The following SYNGR1 variants were observed in gnomAD, a reference collection of about 807,000 sequenced individuals.
SYNGR1 encodes synaptogyrin 1.
A neutral mutation model predicts 26.1 loss-of-function variants in SYNGR1; 14 were observed. The observed-to-expected ratio is 0.54, with a 90% confidence interval of 0.35 to 0.84. The LOEUF is 0.84. SYNGR1 is among the 40% of genes least tolerant of loss of function. SYNGR1 has a pLI of 0.01. For synonymous variants in SYNGR1, 141 were observed against 150.1 expected, an observed-to-expected ratio of 0.94 and a Z score of 0.44; for missense variants, 319 against 332.9, an observed-to-expected ratio of 0.96 and a Z score of 0.33.
intron 1 of SYNGR1, among the ~76,000 whole-genome samples, chr22:39,361,461 G>A (rs1398872075): frequency 6.8e-6 from 1 of 147,648 alleles, no homozygotes; most frequent in Non-Finnish European, 1.5e-5. Context: ...GGGGTCAACC[G>A]ATTCTCCTGC....
rs1257278642 is a variant in SYNGR1 at position 39,375,810 on chromosome 22, C to T, written c.338-242C>T. ...GTGGCTCTCCTCTGACTGGCCCTGA[C>T]CCTGCCCTGTCTGTGGCCTCCTCCC... On this transcript the variant is annotated intron_variant, in intron 2 of 3. Transcript: ENST00000328933. 75 of 639,368 alleles carry T rather than the reference C, an allele frequency of 1.2e-4. No individual in the cohort carries two copies. The East Asian group carries it at 2.0e-3, about 17-fold the overall frequency. The allele number at this position is 639,368 out of a possible 1,614,324, so 39.6% of individuals were successfully genotyped here.
chr22:39,370,794 T>A (rs1470173880), intron 1 of SYNGR1, among the ~76,000 whole-genome samples: 1 of 152,058 alleles, frequency 6.6e-6, no homozygotes, highest in African/African-American at 2.4e-5. Context: ...ATTTTTTGTA[T>A]TTTTAGTATA....
At chr22:39,353,420 C>T (rs1259268291) in intron 1 of SYNGR1, among the ~76,000 whole-genome samples, 1 of 152,188 alleles carries the variant, frequency 6.6e-6, no homozygotes, top group Non-Finnish European at 1.5e-5. Context: ...CTCAAGTGAT[C>T]CTCCCACCTC....
chr22:39,377,006 C>T (rs1243781268), intron 3 of SYNGR1: 4 of 1,550,830 alleles, frequency 2.6e-6, no homozygotes, highest in East Asian at 4.9e-5. Flanking sequence ...CCTAATCACC[C>T]TTCTGCAGAG....
At chr22:39,359,389 A>C (rs1313330643) in intron 1 of SYNGR1, among the ~76,000 whole-genome samples, 1 of 151,944 alleles carries the variant, frequency 6.6e-6, no homozygotes, top group Non-Finnish European at 1.5e-5. Flanking sequence ...TGGGAGGCCA[A>C]GGCAGGCGGA....
intron 1 of SYNGR1, among the ~76,000 whole-genome samples, chr22:39,362,375 C>T (rs1228429610): frequency 1.3e-5 from 2 of 151,326 alleles, no homozygotes; most frequent in African/African-American, 4.9e-5. Flanking sequence ...ACGCCTAATC[C>T]CCAGTGGGTC....
At chr22:39,351,155 C>T (rs776035666) in intron 1 of SYNGR1, among the ~76,000 whole-genome samples, 1 of 152,150 alleles carries the variant, frequency 6.6e-6, no homozygotes, top group African/African-American at 2.4e-5. Context: ...AACTCCCACT[C>T]GAGGTTCTGG....
rs1925563408 is a variant in SYNGR1 at position 39,383,471 on chromosome 22, G to C, written c.*1557G>C. 6.6e-6 allele frequency: 1 copy of C among 152,446 alleles called. No individual in the cohort carries two copies. The highest frequency in any genetic ancestry group is 2.4e-5 in the African/African-American group (1 of 41,450). The allele number at this position is 152,446 out of a possible 1,614,324, so 9.4% of individuals were successfully genotyped here. The stretch of plus-strand genomic sequence containing the variant: ...GCAGGTCGATTCTTGCACAAGGTGG[G>C]CTCTTCACTGAGCCATAAGGGACAG... On this transcript the variant is annotated 3_prime_UTR_variant, in exon 4 of 4. Transcript: ENST00000328933.
In SYNGR1 at chr22:39,381,795, C is replaced by A; in HGVS notation, c.583C>A (p.Pro195Thr). The A allele has an allele frequency of 6.3e-7, 1 of 1,590,066 alleles. No individual in the cohort carries two copies. The highest frequency in any genetic ancestry group is 1.1e-5 in the South Asian group (1 of 89,820). ...GGACCCCAGCCAGGACTCCAGCATG[C>A]CTTACGCGCCCTACGTGGAGCCCAC... ...YMDPSQDSSMPYAPYVEPTGP... is the reference protein window; with the variant it reads ...YMDPSQDSSMTYAPYVEPTGP... The change falls in exon 4 of 4, where the codon CCT (proline) becomes ACT (threonine). Residue 195 changes from proline (P) to threonine (T), a missense_variant. Physicochemically the swap from Pro to Thr is conservative, Grantham distance 38 (BLOSUM62 -1). Transcript: ENST00000328933.
intron 1 of SYNGR1, among the ~76,000 whole-genome samples, chr22:39,363,778 G>A (rs1355315974): frequency 3.3e-5 from 5 of 152,130 alleles, no homozygotes; most frequent in Admixed American, 3.3e-4. Flanking sequence ...CCAGCTGCCT[G>A]GCTGCCTGCA....
intron 3 of SYNGR1, among the ~76,000 whole-genome samples, chr22:39,381,061 C>T (rs1422483489): frequency 1.3e-5 from 2 of 152,182 alleles, no homozygotes; most frequent in Non-Finnish European, 1.5e-5. Flanking sequence ...GCAATCCTTC[C>T]ACCTTGGCCT....
rs1206065250 is a variant in SYNGR1, at chr22:39,383,580, G to A, written c.*1666G>A. On this transcript the variant is annotated 3_prime_UTR_variant, in exon 4 of 4. Transcript: ENST00000328933. Reference sequence around the variant, plus strand: ...GTCCTTCAGGGAGCAGAGCAGAGCAGGTGGTGGACGGGCCCAGTGCTGGGT... The same window carrying A: ...GTCCTTCAGGGAGCAGAGCAGAGCAAGTGGTGGACGGGCCCAGTGCTGGGT... The A allele has an allele frequency of 6.6e-6, 1 of 152,508 alleles. No homozygotes were observed. The highest frequency in any genetic ancestry group is 2.4e-5 in the African/African-American group (1 of 41,460). The allele number at this position is 152,508 out of a possible 1,614,324, so 9.4% of individuals were successfully genotyped here. A position where few individuals can be genotyped will look rare whatever the true frequency, so the allele number is the denominator to read the frequency against.
intron 1 of SYNGR1, among the ~76,000 whole-genome samples, chr22:39,367,435 G>A (rs1001773528): frequency 2.6e-5 from 4 of 152,316 alleles, no homozygotes; most frequent in East Asian, 1.9e-4. Context: ...GTGCAAAGGT[G>A]GGGAGGCAGG....
Position 39,350,319 on chromosome 22 carries a change from G to C in SYNGR1, c.99+210G>C, listed in dbSNP as rs1231041774. On this transcript the variant is annotated intron_variant, in intron 1 of 3. Transcript: ENST00000328933. This position sits in a 1 kb window ranked among gnomAD's most constrained non-coding sequence, Gnocchi z 4.3. The stretch of plus-strand genomic sequence containing the variant: ...GGCGGGATCCCTGGTGCTCGCGGGA[G>C]ACGCCGCTCCGGCTCCCGGAGCCCT... Among the ~76,000 whole-genome samples the C allele has an allele frequency of 6.6e-6, 1 of 151,992 alleles. No homozygotes were observed. Among genetic ancestry groups the C allele is most frequent in the Non-Finnish European group, 1.5e-5 (1 of 67,946 alleles).
intron 1 of SYNGR1, among the ~76,000 whole-genome samples, chr22:39,372,152 A>T: frequency 9.0e-6 from 1 of 111,332 alleles, no homozygotes; most frequent in Middle Eastern, 7.8e-3. Flanking sequence ...TTTTTTTGAG[A>T]CGGAGTCTCA....
chr22:39,360,978 G>A (rs1340448199), intron 1 of SYNGR1, among the ~76,000 whole-genome samples: 2 of 152,208 alleles, frequency 1.3e-5, no homozygotes, highest in Non-Finnish European at 2.9e-5. Context: ...ACTATGGATG[G>A]ACGTGGCGGG....
intron 1 of SYNGR1, among the ~76,000 whole-genome samples, chr22:39,361,053 C>T (rs981381150): frequency 2.0e-5 from 3 of 152,208 alleles, no homozygotes; most frequent in African/African-American, 7.2e-5. Context: ...CCTTTAGGGC[C>T]CTGCTCAAAT....
intron 1 of SYNGR1, among the ~76,000 whole-genome samples, chr22:39,361,114 C>G (rs1159478129): frequency 6.6e-6 from 1 of 152,248 alleles, no homozygotes; most frequent in Non-Finnish European, 1.5e-5. Context: ...GCGCTCCCCT[C>G]CCTGCTTCCC....
rs375288974 is a variant in SYNGR1, at chr22:39,374,430, G to A, written c.214G>A (p.Val72Met). 3.5e-5 allele frequency: 56 copies of A among 1,613,862 alleles called. No individual in the cohort carries two copies. The highest frequency in any genetic ancestry group is 6.6e-5 in the South Asian group (6 of 91,088). Residue 72 changes from valine to methionine, a missense_variant, in exon 2 of 4, where the codon GTG (valine) becomes ATG (methionine). Val to Met is a conservative substitution (Grantham distance 21). Coordinates refer to ENST00000328933, the MANE Select transcript of SYNGR1 (RefSeq NM_004711.5). ...NRNPNACSYGVAVGVLAFLTC... is the reference protein window; with the variant it reads ...NRNPNACSYGMAVGVLAFLTC... Reference sequence around the variant, plus strand: ...CAACCCCAACGCCTGCAGCTATGGCGTGGCCGTGGGCGTGCTCGCCTTCCT... The same window carrying A: ...CAACCCCAACGCCTGCAGCTATGGCATGGCCGTGGGCGTGCTCGCCTTCCT...
Sources: gnomAD v4.1 joint callset for allele counts (sites outside exome capture counted in the v4.1 genomes callset) on GRCh38, gnomAD v4.1.1 for gene constraint, Gnocchi (gnomAD v3.1) non-coding constraint, MANE v1.5 for transcripts, NCBI Gene and HGNC (gene_info 2026-07-23, HGNC 2026-07-21) for gene names.